KIAA1328: variants seen among roughly 807,000 people sequenced by gnomAD.
The protein encoded by KIAA1328 is KIAA1328, also known as protein hinderin.
Under a neutral mutation model 68.1 loss-of-function variants are expected in KIAA1328, and 52 were observed. The observed-to-expected ratio is 0.76, with a 90% CI of 0.61 to 0.96. The LOEUF is 0.96. Ranked by LOEUF, KIAA1328 falls within the 40% of genes least tolerant of loss-of-function variation. KIAA1328 has a pLI of 0.00. For synonymous variants in KIAA1328, 232 were observed against 239.4 expected, an observed-to-expected ratio of 0.97 and a Z score of 0.28; for missense variants, 641 against 677.6, an observed-to-expected ratio of 0.95 and a Z score of 0.60.
chr18:36,966,793 G>C (rs1383239234), intron 6 of KIAA1328, among the ~76,000 whole-genome samples: 1 of 152,154 alleles, frequency 6.6e-6, no homozygotes, highest in Non-Finnish European at 1.5e-5. Flanking sequence ...CTAAATAGAT[G>C]GAAATGGGTT....
chr18:37,135,671 G>A (rs1306810668), intron 7 of KIAA1328, among the ~76,000 whole-genome samples: 1 of 152,114 alleles, frequency 6.6e-6, no homozygotes, highest in African/African-American at 2.4e-5. Context: ...CCTTTGCTGT[G>A]CAGGAGCTCT....
intron 4 of KIAA1328, among the ~76,000 whole-genome samples, chr18:36,853,220 T>C (rs1170425149): frequency 6.6e-6 from 1 of 152,184 alleles, no homozygotes; most frequent in Non-Finnish European, 1.5e-5. Context: ...AACCTGTAGA[T>C]TATGATTTTT....
At chr18:37,034,542 G>C (rs2054954713) in intron 6 of KIAA1328, among the ~76,000 whole-genome samples, 1 of 152,120 alleles carries the variant, frequency 6.6e-6, no homozygotes, top group Non-Finnish European at 1.5e-5. Flanking sequence ...AAGTCTTTTA[G>C]CTTTATTAAC....
chr18:36,963,702 A>C (rs2051795881), intron 6 of KIAA1328, among the ~76,000 whole-genome samples: 1 of 152,162 alleles, frequency 6.6e-6, no homozygotes, highest in Non-Finnish European at 1.5e-5. Flanking sequence ...TTACCTTGTC[A>C]TGAAGTTACA....
chr18:37,111,634 C>A (rs1019336114), intron 7 of KIAA1328, among the ~76,000 whole-genome samples: 1 of 152,196 alleles, frequency 6.6e-6, no homozygotes, highest in African/African-American at 2.4e-5. Flanking sequence ...GTGATTTCTG[C>A]ATTTCCAACT....
intron 5 of KIAA1328, among the ~76,000 whole-genome samples, chr18:36,889,517 G>A (rs1468066139): frequency 1.3e-5 from 2 of 152,156 alleles, no homozygotes; most frequent in Non-Finnish European, 2.9e-5. Context: ...GCATAGCAAA[G>A]GGAAGTGACA....
intron 7 of KIAA1328, among the ~76,000 whole-genome samples, chr18:37,110,588 A>G (rs2057902928): frequency 6.6e-6 from 1 of 152,156 alleles, no homozygotes; most frequent in South Asian, 2.1e-4. Context: ...GTTTCTTTAC[A>G]TTGATTTTGG....
At position 37,107,547 on chromosome 18, in the gene KIAA1328, G is replaced by A. The variant is rs181271306; in HGVS notation, c.1232+40002G>A. Among the ~76,000 whole-genome samples the A allele has an allele frequency of 9.7e-4, 147 of 152,168 alleles. 1 individual carries two copies. Among genetic ancestry groups the A allele is most frequent in the Non-Finnish European group, 1.5e-3 (101 of 68,008 alleles). On this transcript the variant is annotated intron_variant, in intron 7 of 9. Transcript: ENST00000280020. The stretch of plus-strand genomic sequence containing the variant: ...CTCTGATTTCCTTCACCAGTGTTTT[G>A]TAGTTCTTGTAGATATCTTTCACCT...
chr18:36,829,292 C>T (rs1422112604), intron 1 of KIAA1328, 96 bp downstream of exon 1: 8 of 1,423,738 alleles, frequency 5.6e-6, no homozygotes, highest in Non-Finnish European at 7.3e-6. Flanking sequence ...AGGAGAAGCT[C>T]CGAACTAACC....
intron 4 of KIAA1328, among the ~76,000 whole-genome samples, chr18:36,877,079 G>A (rs534006669): frequency 6.6e-6 from 1 of 152,218 alleles, no homozygotes; most frequent in African/African-American, 2.4e-5. Context: ...ATTTGCTGGG[G>A]AGTGTTTTAC....
intron 6 of KIAA1328, among the ~76,000 whole-genome samples, chr18:36,995,357 T>A (rs552399340): frequency 6.6e-6 from 1 of 152,300 alleles, no homozygotes; most frequent in East Asian, 1.9e-4. Flanking sequence ...CAGTCTATCA[T>A]TGATGGACAT....
At position 36,841,296 on chromosome 18, in the gene KIAA1328, G is replaced by T. The variant is rs146857686; in HGVS notation, c.238-2912G>T. On this transcript the variant is annotated intron_variant, in intron 3 of 9. Transcript: ENST00000280020. Reference sequence around the variant, plus strand: ...AGTTAAGCCTACTATTCATCAGGAAGTAATATGCACATGTAGTGTAAAGTA... The same window carrying T: ...AGTTAAGCCTACTATTCATCAGGAATTAATATGCACATGTAGTGTAAAGTA... 3.7e-4 allele frequency among the ~76,000 whole-genome samples: 56 copies of T among 151,962 alleles called. No homozygotes were observed. In the East Asian group the frequency reaches 0.01, roughly 28 times the overall value.
intron 5 of KIAA1328, among the ~76,000 whole-genome samples, chr18:36,893,449 G>A (rs1047623596): frequency 2.2e-4 from 30 of 138,990 alleles, no homozygotes; most frequent in African/African-American, 7.7e-4. Flanking sequence ...GTGTGTGTGT[G>A]TGTGTGTGTG....
At chr18:36,931,604 C>G (rs1027241661) in intron 5 of KIAA1328, among the ~76,000 whole-genome samples, 2 of 151,984 alleles carry the variant, frequency 1.3e-5, no homozygotes, top group African/African-American at 4.8e-5. Flanking sequence ...AGTGAGAGAA[C>G]TTATATTTCT....
Position 37,067,066 on chromosome 18 carries a change from C to T in KIAA1328, c.753C>T (p.Thr251=), listed in dbSNP as rs754043765. Residue 251 remains threonine, a synonymous_variant, in exon 7 of 10, where the codon ACC becomes ACT. Coordinates refer to ENST00000280020, the MANE Select transcript of KIAA1328 (RefSeq NM_020776.3). Reference sequence around the variant, plus strand: ...GGAATAATTCTTTGAAACCAGTAACCCTTCATCATCCCAAAGATGATCTAG... The same window carrying T: ...GGAATAATTCTTTGAAACCAGTAACTCTTCATCATCCCAAAGATGATCTAG... ...AFRNNSLKPV[T]LHHPKDDLDK... 2 of 1,613,936 alleles carry T rather than the reference C, an allele frequency of 1.2e-6. No individual in the cohort carries two copies. The highest frequency in any genetic ancestry group is 1.1e-5 in the South Asian group (1 of 91,074).
At chr18:37,109,744 A>G (rs2151898313) in intron 7 of KIAA1328, among the ~76,000 whole-genome samples, 3 of 152,324 alleles carry the variant, frequency 2.0e-5, no homozygotes, top group Middle Eastern at 3.4e-3. Context: ...GGTGGTTCTC[A>G]GCCTTTGTTC....
intron 7 of KIAA1328, among the ~76,000 whole-genome samples, chr18:37,068,113 C>T (rs1568362676): frequency 6.6e-6 from 1 of 152,158 alleles, no homozygotes; most frequent in Non-Finnish European, 1.5e-5. Context: ...GTTCCAAAGA[C>T]ATTTTAAAAT....
chr18:36,893,272 C>CTTAT (rs1015080672), intron 5 of KIAA1328, among the ~76,000 whole-genome samples: 13 of 151,670 alleles, frequency 8.6e-5, no homozygotes, highest in African/African-American at 1.5e-4. Context: ...CTCTTTCTTT[C>CTTAT]TTATTTATTT....
chr18:36,915,883 G>A (rs966674646), intron 5 of KIAA1328, among the ~76,000 whole-genome samples: 3 of 152,138 alleles, frequency 2.0e-5, no homozygotes, highest in Non-Finnish European at 4.4e-5. Context: ...CTAGAAACAT[G>A]TATATAGCAG....
Sources: gnomAD v4.1 joint callset for allele counts (sites outside exome capture counted in the v4.1 genomes callset) on GRCh38, gnomAD v4.1.1 for gene constraint, MANE v1.5 for transcripts, NCBI Gene and HGNC (gene_info 2026-07-23, HGNC 2026-07-21) for gene names.